Variants in CLOCK observed in about 807,000 individuals in gnomAD.
The protein encoded by CLOCK is clock circadian regulator, also known as circadian locomoter output cycles protein kaput.
In CLOCK, 43 loss-of-function variants were observed where a neutral mutation model predicts 118.4. That is an observed-to-expected ratio of 0.36 (90% confidence interval 0.28 to 0.47). The LOEUF is 0.47. CLOCK is among the 20% of genes least tolerant of loss of function. CLOCK has a pLI of 1.00. For missense variants in CLOCK, 846 were observed against 999.9 expected (o/e 0.85, Z 2.08); for synonymous variants, 326 against 339.2 (o/e 0.96, Z 0.43).
At chr4:55,508,190 T>C (rs1728929601) in intron 2 of CLOCK, among the ~76,000 whole-genome samples, 1 of 152,218 alleles carries the variant, frequency 6.6e-6, no homozygotes, top group African/African-American at 2.4e-5. Flanking sequence ...TGAACTACTT[T>C]TGTTTCATTG....
chr4:55,430,386 A>G lies in CLOCK; in HGVS notation c.*5029T>C, dbSNP rs1338595112. On this transcript the variant is annotated 3_prime_UTR_variant, in exon 23 of 23. Transcript: ENST00000513440. ...GAAAAACAAGGAATGTAGTGTTATGACATAGGGGGAAAAAACTATGCAAAA... is the reference window on the plus strand; with the variant it reads ...GAAAAACAAGGAATGTAGTGTTATGGCATAGGGGGAAAAAACTATGCAAAA... 1 of 152,216 alleles carries G rather than the reference A, an allele frequency of 6.6e-6. No homozygotes were observed. The highest frequency in any genetic ancestry group is 1.5e-5 in the Non-Finnish European group (1 of 68,036). 9.4% of individuals were successfully genotyped at this position (152,216 alleles called of 1,614,324 possible).
At chr4:55,506,509 T>A (rs1336178299) in intron 2 of CLOCK, among the ~76,000 whole-genome samples, 1 of 152,118 alleles carries the variant, frequency 6.6e-6, no homozygotes, top group African/African-American at 2.4e-5. Context: ...ATAAAAAAAA[T>A]ACATAAATCT....
chr4:55,444,916 A>G, intron 18 of CLOCK, 131 bp from the exon 19 acceptor site: 1 of 926,502 alleles, frequency 1.1e-6, no homozygotes, highest in Non-Finnish European at 1.7e-6. Context: ...TATGTCCCTT[A>G]GTTTCTAATC....
chr4:55,439,859 C>T (rs1723207437), intron 21 of CLOCK, among the ~76,000 whole-genome samples: 1 of 151,902 alleles, frequency 6.6e-6, no homozygotes, highest in Non-Finnish European at 1.5e-5. Context: ...AGAATGGGGA[C>T]TTGTATAATG....
chr4:55,461,900 A>G (rs1023890067), intron 9 of CLOCK, among the ~76,000 whole-genome samples: 4 of 152,162 alleles, frequency 2.6e-5, no homozygotes, highest in African/African-American at 7.2e-5. Context: ...TAGCCCCTTT[A>G]TAATTCTGTC....
chr4:55,431,125 A>T lies in CLOCK; in HGVS notation c.*4290T>A, dbSNP rs1421299563. The T allele has an allele frequency of 6.6e-6, 1 of 152,212 alleles. No individual in the cohort carries two copies. Among genetic ancestry groups the T allele is most frequent in the Non-Finnish European group, 1.5e-5 (1 of 68,032 alleles). The allele number at this position is 152,212 out of a possible 1,614,324, so 9.4% of individuals were successfully genotyped here. A position where few individuals can be genotyped will look rare whatever the true frequency, so the allele number is the denominator to read the frequency against. On this transcript the variant is annotated 3_prime_UTR_variant, in exon 23 of 23. Coordinates refer to ENST00000513440, the MANE Select transcript of CLOCK (RefSeq NM_004898.4). ...AATAAAGTGCTTGTTACATTTCAAAATGATGCTTTTAGACTGTGGTATGTT... is the reference window on the plus strand; with the variant it reads ...AATAAAGTGCTTGTTACATTTCAAATTGATGCTTTTAGACTGTGGTATGTT...
At chr4:55,531,908 A>T (rs552459944) in intron 1 of CLOCK, among the ~76,000 whole-genome samples, 104 of 151,064 alleles carry the variant, frequency 6.9e-4, no homozygotes, top group African/African-American at 2.4e-3. Context: ...TGTTAAAAAA[A>T]ACAAAAACAA....
intron 9 of CLOCK, among the ~76,000 whole-genome samples, chr4:55,461,825 TAACAA>T (rs1725364283): frequency 6.6e-6 from 1 of 152,200 alleles, no homozygotes; most frequent in African/African-American, 2.4e-5. Flanking sequence ...TTTTTGCAGA[TAACAA>T]AACTACCCAA....
intron 3 of CLOCK, among the ~76,000 whole-genome samples, chr4:55,488,215 T>G (rs1352383025): frequency 1.3e-5 from 2 of 152,232 alleles, no homozygotes; most frequent in Non-Finnish European, 2.9e-5. Flanking sequence ...AATATTCTCC[T>G]GCTTTTGTAC....
chr4:55,525,925 T>C (rs779980520), intron 1 of CLOCK, among the ~76,000 whole-genome samples: 1 of 150,920 alleles, frequency 6.6e-6, no homozygotes, highest in Non-Finnish European at 1.5e-5. Context: ...CAAGGGTTAA[T>C]ACGAAAATGT....
chr4:55,478,052 G>T (rs1284824865), intron 6 of CLOCK, among the ~76,000 whole-genome samples: 1 of 152,002 alleles, frequency 6.6e-6, no homozygotes, highest in East Asian at 1.9e-4. Context: ...AACTGAGCTA[G>T]GCAGAAGTAA....
Position 55,431,999 on chromosome 4 carries a change from C to G in CLOCK, c.*3416G>C, listed in dbSNP as rs1194864644. On this transcript the variant is annotated 3_prime_UTR_variant, in exon 23 of 23. Coordinates refer to ENST00000513440, the MANE Select transcript of CLOCK (RefSeq NM_004898.4). The stretch of plus-strand genomic sequence containing the variant: ...CAACAACTACAGCACTTCTGAAGAC[C>G]AAACATTTTCACTATTTTGCACTGA... 1.3e-5 allele frequency: 2 copies of G among 152,136 alleles called. No individual in the cohort carries two copies. Among genetic ancestry groups the G allele is most frequent in the Non-Finnish European group, 2.9e-5 (2 of 68,022 alleles). The allele number at this position is 152,136 out of a possible 1,614,324, so 9.4% of individuals were successfully genotyped here.
intron 3 of CLOCK, among the ~76,000 whole-genome samples, chr4:55,487,647 A>T (rs1241914999): frequency 6.6e-6 from 1 of 152,090 alleles, no homozygotes; most frequent in Non-Finnish European, 1.5e-5. Flanking sequence ...CTTGGTTCCA[A>T]AGTTAAGAAA....
intron 2 of CLOCK, among the ~76,000 whole-genome samples, chr4:55,505,969 TAAC>T (rs1260781403): frequency 6.6e-6 from 1 of 151,938 alleles, no homozygotes; most frequent in Non-Finnish European, 1.5e-5. Flanking sequence ...CTATACCTCC[TAAC>T]AACAAGGATA....
chr4:55,477,051 T>C (rs1726562816), intron 6 of CLOCK, among the ~76,000 whole-genome samples: 1 of 152,102 alleles, frequency 6.6e-6, no homozygotes, highest in Admixed American at 6.6e-5. Flanking sequence ...GTTGTGTTTT[T>C]CAAATTCACA....
intron 1 of CLOCK, among the ~76,000 whole-genome samples, chr4:55,536,659 T>G (rs529983081): frequency 3.2e-4 from 49 of 152,278 alleles, no homozygotes; most frequent in Admixed American, 2.3e-3. Context: ...GTAAGCCAAT[T>G]AAGCTTCTTT....
At chr4:55,542,243 C>A (rs13107810) in intron 1 of CLOCK, among the ~76,000 whole-genome samples, 45,753 of 150,438 alleles carry the variant, frequency 0.3, 7,561 homozygotes, top group East Asian at 0.58. Flanking sequence ...TCTTGGAGGG[C>A]TAAGGCAGGA....
At chr4:55,470,834 A>G (rs200632687) in intron 7 of CLOCK, 28 bp from the exon 8 acceptor site, 4 of 1,493,986 alleles carry the variant, frequency 2.7e-6, no homozygotes, top group Non-Finnish European at 3.7e-6. Flanking sequence ...GATATGTTAA[A>G]TGAAAAGAAA....
intron 1 of CLOCK, among the ~76,000 whole-genome samples, chr4:55,519,255 C>G (rs1729706212): frequency 6.6e-6 from 1 of 152,174 alleles, no homozygotes. Context: ...CAAGGTCTCA[C>G]TATGTTGCCC....
Sources: allele counts gnomAD v4.1 joint callset (sites outside exome capture counted in the v4.1 genomes callset), GRCh38; gene constraint gnomAD v4.1.1; transcripts MANE v1.5; gene names NCBI Gene and HGNC (gene_info 2026-07-23, HGNC 2026-07-21).